COQ8A: variants seen among roughly 807,000 people sequenced by gnomAD.
The protein encoded by COQ8A is coenzyme Q8A.
In COQ8A, 51 loss-of-function variants were observed where a neutral mutation model predicts 65.0. The ratio of observed to expected loss-of-function variants is 0.78; its 90% CI spans 0.63 to 0.99. COQ8A has a LOEUF of 0.99. Ranked by LOEUF, COQ8A falls within the 50% of genes least tolerant of loss-of-function variation. The pLI is 0.00. For synonymous variants in COQ8A, 371 were observed against 353.2 expected, an observed-to-expected ratio of 1.05 and a Z score of -0.57; for missense variants, 940 against 875.0, an observed-to-expected ratio of 1.07 and a Z score of -0.94.
In COQ8A at chr1:226,986,455, C is replaced by T. The variant is rs1296648261; in HGVS notation, c.1662C>T (p.Val554=). The T allele has an allele frequency of 6.2e-7, 1 of 1,612,250 alleles. No homozygotes were observed. Among genetic ancestry groups the T allele is most frequent in the Non-Finnish European group, 8.5e-7 (1 of 1,179,978 alleles). The change falls in exon 15 of 15, where the codon GTC becomes GTT. Residue 554 remains valine, a splice_region_variant and synonymous_variant. Coordinates refer to ENST00000366777, the MANE Select transcript of COQ8A (RefSeq NM_020247.5). ...TTATCCTTCCTCTCTTGCCCCAGGT[C>T]ATGGAAGACGCCCACTTGGATGCCA... ...MKFLTGYEVK[V]MEDAHLDAIL...
rs763078009 is a variant in COQ8A at position 226,984,242 on chromosome 1, C to T, written c.1398+7C>T. 6.2e-6 allele frequency: 10 copies of T among 1,613,268 alleles called. No individual in the cohort carries two copies. Among genetic ancestry groups the T allele is most frequent in the Middle Eastern group, 1.7e-4 (1 of 6,040 alleles). On this transcript the variant is annotated splice_region_variant and intron_variant, in intron 11 of 14. Transcript: ENST00000366777. ...CCAGGAGATTCGGAACGAGGTTTGT[C>T]TGTGCCAGCAGACAGGTGGGGCCAG...
chr1:226,981,037 C>T (rs1158591133), intron 5 of COQ8A, among the ~76,000 whole-genome samples: 4 of 152,340 alleles, frequency 2.6e-5, no homozygotes, highest in South Asian at 4.1e-4. Context: ...AGGAGGAAGC[C>T]GCACTGCGAC....
intron 1 of COQ8A, among the ~76,000 whole-genome samples, chr1:226,958,449 C>T (rs1176348575): frequency 2.6e-5 from 4 of 152,122 alleles, no homozygotes; most frequent in Admixed American, 6.5e-5. Flanking sequence ...ACTCTGCCTC[C>T]GATCCTGGCG....
chr1:226,976,475 C>T (rs1316542336), intron 4 of COQ8A, among the ~76,000 whole-genome samples: 1 of 151,792 alleles, frequency 6.6e-6, no homozygotes, highest in Non-Finnish European at 1.5e-5. Flanking sequence ...GGGTGCGGGG[C>T]TCTCCGAGGC....
chr1:226,986,793 A>G lies in COQ8A; in HGVS notation c.*56A>G, dbSNP rs1161792478. The G allele has an allele frequency of 1.9e-6, 3 of 1,580,690 alleles. No individual in the cohort carries two copies. In the Admixed American group the frequency reaches 5.3e-5, roughly 28 times the overall value. ...GGGAACTCTCTCCCTCAGACAGGCC[A>G]AAAACCAGTAGCGAGGTCGTGGTGA... On this transcript the variant is annotated 3_prime_UTR_variant, in exon 15 of 15. Coordinates refer to ENST00000366777, the MANE Select transcript of COQ8A (RefSeq NM_020247.5).
At chr1:226,961,335 A>G in intron 1 of COQ8A, 42 bp from the exon 2 acceptor site, 1 of 1,609,134 alleles carries the variant, frequency 6.2e-7, no homozygotes, top group Non-Finnish European at 8.5e-7. Flanking sequence ...TTTGGCCTGC[A>G]GAGGCCTGGG....
intron 2 of COQ8A, among the ~76,000 whole-genome samples, chr1:226,963,895 G>A (rs747625686): frequency 5.3e-5 from 8 of 152,182 alleles, no homozygotes; most frequent in Non-Finnish European, 1.0e-4. Context: ...GTGAGCCATC[G>A]CACTGGCATA....
At chr1:226,985,139 C>A in intron 13 of COQ8A, 115 bp from the exon 14 acceptor site, 1 of 1,298,896 alleles carries the variant, frequency 7.7e-7, no homozygotes, top group Non-Finnish European at 1.1e-6. Context: ...GCCGGGGGCC[C>A]TGTGCAGGGA....
chr1:226,953,052 T>C (rs1488464412), intron 1 of COQ8A, among the ~76,000 whole-genome samples: 3 of 151,790 alleles, frequency 2.0e-5, no homozygotes, highest in East Asian at 3.9e-4. Context: ...TTTTTTGAGA[T>C]GGAGTCTGGC....
At position 226,961,449 on chromosome 1, in the gene COQ8A, G is replaced by T; in HGVS notation, c.64G>T (p.Ala22Ser). The change falls in exon 2 of 15, where the codon GCC becomes TCC. Residue 22 changes from alanine to serine, a missense_variant. Ala to Ser is a moderately conservative substitution (Grantham distance 99). Transcript: ENST00000366777. ...AKGLVKLTQA[A>S]VETHLQHLGI... ...AGGCCTTGTCAAGCTGACCCAGGCG[G>T]CCGTGGAAACCCACCTGCAGCACTT... The T allele has an allele frequency of 6.2e-7, 1 of 1,613,822 alleles. No homozygotes were observed. Among genetic ancestry groups the T allele is most frequent in the South Asian group, 1.1e-5 (1 of 91,090 alleles).
At chr1:226,942,031 G>A (rs1656729538) in intron 1 of COQ8A, among the ~76,000 whole-genome samples, 2 of 152,208 alleles carry the variant, frequency 1.3e-5, no homozygotes, top group African/African-American at 4.8e-5. Flanking sequence ...TGTAGGATGT[G>A]TAGCAGTATC....
intron 2 of COQ8A, 129 bp downstream of exon 2, chr1:226,961,691 A>G (rs1470988499): frequency 8.6e-7 from 1 of 1,165,712 alleles, no homozygotes; most frequent in Non-Finnish European, 1.2e-6. Flanking sequence ...CCACCAGCTA[A>G]TGTGTCCCAC....
intron 1 of COQ8A, among the ~76,000 whole-genome samples, chr1:226,945,812 G>A (rs1298246976): frequency 2.0e-5 from 3 of 152,262 alleles, no homozygotes; most frequent in Non-Finnish European, 2.9e-5. Context: ...AGAGGAAGCA[G>A]TAGCAGTGAC....
chr1:226,954,560 C>T lies in COQ8A; in HGVS notation c.-9-6817C>T, dbSNP rs368789284. 5.9e-5 allele frequency among the ~76,000 whole-genome samples: 9 copies of T among 152,360 alleles called. No homozygotes were observed. In the East Asian group the frequency reaches 9.6e-4, roughly 16 times the overall value. ...TGGACTCGTCTTAAGGTGATTGAGA[C>T]GTTCGCAGCAGCTTGAGGACCAGTG... On this transcript the variant is annotated intron_variant, in intron 1 of 14. Coordinates refer to ENST00000366777, the MANE Select transcript of COQ8A (RefSeq NM_020247.5).
rs1660150533 is a variant in COQ8A at position 226,986,821 on chromosome 1, C to T, written c.*84C>T. On this transcript the variant is annotated 3_prime_UTR_variant, in exon 15 of 15. Coordinates refer to ENST00000366777, the MANE Select transcript of COQ8A (RefSeq NM_020247.5). Reference sequence around the variant, plus strand: ...AACCAGTAGCGAGGTCGTGGTGATGCTCTTTTTAACTCCTTTGCCCAATAA... The same window carrying T: ...AACCAGTAGCGAGGTCGTGGTGATGTTCTTTTTAACTCCTTTGCCCAATAA... 6.7e-7 allele frequency: 1 copy of T among 1,501,150 alleles called. No homozygotes were observed. Among genetic ancestry groups the T allele is most frequent in the Non-Finnish European group, 9.0e-7 (1 of 1,113,420 alleles). 93.0% of individuals were successfully genotyped at this position (1,501,150 alleles called of 1,614,324 possible). A position where few individuals can be genotyped will look rare whatever the true frequency, so the allele number is the denominator to read the frequency against.
At chr1:226,984,976 T>A (rs764468816) in intron 13 of COQ8A, 35 bp downstream of exon 13, 1 of 1,611,288 alleles carries the variant, frequency 6.2e-7, no homozygotes, top group Admixed American at 1.7e-5. Context: ...TGGTCCATGT[T>A]TTTCTGAGGC....
chr1:226,978,791 T>A (rs1484585685), intron 5 of COQ8A, among the ~76,000 whole-genome samples: 38 of 86,540 alleles, frequency 4.4e-4, no homozygotes, highest in African/African-American at 1.3e-3. Context: ...CACCCACCTC[T>A]CACCCGCACA....
At chr1:226,948,000 G>A (rs754948272) in intron 1 of COQ8A, among the ~76,000 whole-genome samples, 23 of 152,284 alleles carry the variant, frequency 1.5e-4, no homozygotes, top group Non-Finnish European at 7.4e-5. Context: ...GAATGGTCTG[G>A]AAATTATTCT....
intron 1 of COQ8A, among the ~76,000 whole-genome samples, chr1:226,956,414 GCT>G (rs1657763629): frequency 9.5e-6 from 1 of 105,262 alleles, no homozygotes; most frequent in African/African-American, 4.2e-5. Context: ...CCTGGTTCCC[GCT>G]CTCCCTGATT....
Sources: allele counts gnomAD v4.1 joint callset (sites outside exome capture counted in the v4.1 genomes callset), GRCh38; gene constraint gnomAD v4.1.1; transcripts MANE v1.5; gene names NCBI Gene and HGNC (gene_info 2026-07-23, HGNC 2026-07-21).